OSBP2: variants seen among roughly 807,000 people sequenced by gnomAD.
OSBP2 encodes the protein oxysterol-binding protein 2.
OSBP2 carries 66 observed loss-of-function variants against 96.0 expected under a neutral mutation model. The ratio of observed to expected loss-of-function variants is 0.69; its 90% CI spans 0.56 to 0.84. OSBP2 has a LOEUF of 0.84. OSBP2 is among the 40% of genes least tolerant of loss of function. The probability of loss-of-function intolerance (pLI) is 0.00; values close to 1 mark genes in which losing one functional copy is unlikely to be tolerated. For missense variants in OSBP2, 1,038 were observed against 1,222.7 expected, an observed-to-expected ratio of 0.85 and a Z score of 2.25; for synonymous variants, 525 against 520.9, an observed-to-expected ratio of 1.01 and a Z score of -0.11.
At chr22:30,771,777 A>G (rs1315221235) in intron 2 of OSBP2, among the ~76,000 whole-genome samples, 1 of 152,234 alleles carries the variant, frequency 6.6e-6, no homozygotes, top group East Asian at 1.9e-4. Context: ...TTAGCTATAG[A>G]AACTGAGGCT....
intron 12 of OSBP2, chr22:30,894,344 CAAAGGGAAAAA>C (rs1361460148): frequency 4.4e-6 from 1 of 226,284 alleles, no homozygotes; most frequent in African/African-American, 2.3e-5. Flanking sequence ...AGAAATTCGA[CAAAGGGAAAAA>C]AAAATGACTG....
intron 1 of OSBP2, among the ~76,000 whole-genome samples, chr22:30,739,650 T>G (rs2089908520): frequency 6.6e-6 from 1 of 152,044 alleles, no homozygotes; most frequent in Non-Finnish European, 1.5e-5. Context: ...AATTTTTGTA[T>G]TTTTGTAAAC....
At chr22:30,805,020 A>G (rs750766660) in intron 2 of OSBP2, among the ~76,000 whole-genome samples, 1 of 152,212 alleles carries the variant, frequency 6.6e-6, no homozygotes, top group Admixed American at 6.5e-5. Flanking sequence ...ATCTATCTAT[A>G]TATATTTTAA....
At chr22:30,831,489 C>T (rs2038521543) in intron 2 of OSBP2, among the ~76,000 whole-genome samples, 1 of 152,164 alleles carries the variant, frequency 6.6e-6, no homozygotes, top group Admixed American at 6.5e-5. Context: ...TGGCACCGAT[C>T]CACTGTCCTT....
At chr22:30,814,232 C>T (rs1222175163) in intron 2 of OSBP2, among the ~76,000 whole-genome samples, 1 of 152,084 alleles carries the variant, frequency 6.6e-6, no homozygotes, top group African/African-American at 2.4e-5. Flanking sequence ...GATTCTGTCA[C>T]AGTTCTGGAA....
intron 3 of OSBP2, among the ~76,000 whole-genome samples, chr22:30,874,109 T>C (rs2039522726): frequency 6.6e-6 from 1 of 152,176 alleles, no homozygotes; most frequent in Non-Finnish European, 1.5e-5. Context: ...TGGTGGCACG[T>C]ACCTGTAATC....
intron 2 of OSBP2, among the ~76,000 whole-genome samples, chr22:30,826,182 G>A (rs1241288327): frequency 1.3e-5 from 2 of 152,146 alleles, no homozygotes; most frequent in Admixed American, 6.5e-5. Flanking sequence ...AGGACACGGG[G>A]TCCTTCAAAA....
intron 1 of OSBP2, among the ~76,000 whole-genome samples, chr22:30,700,119 C>A (rs1436885462): frequency 6.6e-6 from 1 of 151,920 alleles, no homozygotes; most frequent in Non-Finnish European, 1.5e-5. Flanking sequence ...CATGCCACCA[C>A]ACCCAGCTAA....
At chr22:30,885,013 A>G (rs2039780538) in intron 3 of OSBP2, among the ~76,000 whole-genome samples, 1 of 152,146 alleles carries the variant, frequency 6.6e-6, no homozygotes, top group African/African-American at 2.4e-5. Context: ...TGGCCTGGGC[A>G]CCAGGTGCCA....
chr22:30,865,631 CAAA>C (rs398040482), intron 2 of OSBP2, among the ~76,000 whole-genome samples: 9 of 59,894 alleles, frequency 1.5e-4, no homozygotes, highest in Non-Finnish European at 3.1e-5. Flanking sequence ...GACTCCATCT[CAAA>C]AAAAAAAAAA....
At chr22:30,785,603 T>A (rs1424656274) in intron 2 of OSBP2, among the ~76,000 whole-genome samples, 6 of 151,908 alleles carry the variant, frequency 3.9e-5, no homozygotes, top group Non-Finnish European at 8.8e-5. Flanking sequence ...TCTTTCTGAT[T>A]TAGAAAGTTT....
rs35377469 is a variant in OSBP2 at position 30,717,090 on chromosome 22, TTGTGTGTGTGTGTGTG to T, written c.644+21565_644+21580del. 1.5e-3 allele frequency among the ~76,000 whole-genome samples: 181 copies of T among 118,408 alleles called. 3 individuals are homozygous for T. The highest frequency in any genetic ancestry group is 5.6e-3 in the African/African-American group (177 of 31,526). 77.7% of individuals were successfully genotyped at this position (118,408 alleles called of 152,430 possible). A position where few individuals can be genotyped will look rare whatever the true frequency, so the allele number is the denominator to read the frequency against. ...CTATTTTGTTTTAATTTTACTGTTT[TTGTGTGTGTGTGTGTG>T]TGTGTGTGTGTGTGTGTGTGTGTGT... On this transcript the variant is annotated intron_variant, in intron 1 of 13. Transcript: ENST00000332585.
At chr22:30,766,149 C>T (rs754433490) in intron 2 of OSBP2, among the ~76,000 whole-genome samples, 1 of 152,172 alleles carries the variant, frequency 6.6e-6, no homozygotes, top group Admixed American at 6.5e-5. Flanking sequence ...GTGGGGCGAT[C>T]ACTTGAGCCC....
chr22:30,806,130 C>T (rs1339303735), intron 2 of OSBP2, among the ~76,000 whole-genome samples: 1 of 152,194 alleles, frequency 6.6e-6, no homozygotes, highest in African/African-American at 2.4e-5. Flanking sequence ...CACTGCCATC[C>T]TTATTATACA....
At chr22:30,879,363 TG>T in intron 3 of OSBP2, among the ~76,000 whole-genome samples, 1 of 152,370 alleles carries the variant, frequency 6.6e-6, no homozygotes, top group East Asian at 1.9e-4. Flanking sequence ...TGTGTGCGAG[TG>T]GCAAACTATT....
At chr22:30,819,208 G>T (rs1166586896) in intron 2 of OSBP2, among the ~76,000 whole-genome samples, 2 of 152,216 alleles carry the variant, frequency 1.3e-5, no homozygotes, top group Non-Finnish European at 2.9e-5. Context: ...GGTGGTGCAT[G>T]CCTATAATCT....
chr22:30,738,849 A>G (rs941571845), intron 1 of OSBP2, among the ~76,000 whole-genome samples: 22 of 152,204 alleles, frequency 1.4e-4, no homozygotes, highest in Non-Finnish European at 2.4e-4. Flanking sequence ...GGCGTGAGCC[A>G]CCGTGCCCAG....
chr22:30,846,507 C>T (rs189280109), intron 2 of OSBP2, among the ~76,000 whole-genome samples: 1 of 152,178 alleles, frequency 6.6e-6, no homozygotes, highest in East Asian at 1.9e-4. Flanking sequence ...CACATCCTTA[C>T]CAATATTTGT....
Position 30,811,897 on chromosome 22 carries a change from C to T in OSBP2, c.854-58532C>T, listed in dbSNP as rs142091557. 2.9e-3 allele frequency among the ~76,000 whole-genome samples: 445 copies of T among 151,616 alleles called. 10 individuals are homozygous for T. Among genetic ancestry groups the T allele is most frequent in the Admixed American group, 0.022 (333 of 15,194 alleles). On this transcript the variant is annotated intron_variant, in intron 2 of 13. Coordinates refer to ENST00000332585, the MANE Select transcript of OSBP2 (RefSeq NM_030758.4). ...TTAAAGACAGGGTCTTGCTTTGTCA[C>T]CCATGTTGGAGTGCAGTGGTGTAAG...
Sources: allele counts gnomAD v4.1 joint callset (sites outside exome capture counted in the v4.1 genomes callset), GRCh38; gene constraint gnomAD v4.1.1; transcripts MANE v1.5; gene names NCBI Gene and HGNC (gene_info 2026-07-23, HGNC 2026-07-21).